GALNT13: variants seen among roughly 807,000 people sequenced by gnomAD.
GALNT13 encodes the protein polypeptide N-acetylgalactosaminyltransferase 13.
Under a neutral mutation model 64.2 loss-of-function variants are expected in GALNT13, and 28 were observed. The ratio of observed to expected loss-of-function variants is 0.44; its 90% confidence interval spans 0.32 to 0.60. The LOEUF is 0.60. Among genes scored for constraint, GALNT13 ranks in the 20% least tolerant of loss-of-function variants. The probability of loss-of-function intolerance (pLI) is 0.05; values close to 1 mark genes in which losing one functional copy is unlikely to be tolerated. For missense variants in GALNT13, 577 were observed against 669.8 expected (o/e 0.86, Z 1.53); for synonymous variants, 214 against 224.6 (o/e 0.95, Z 0.42).
the GALNT13 span, among the ~76,000 whole-genome samples, chr2:153,273,585 T>G: frequency 6.6e-6 from 1 of 152,200 alleles, no homozygotes; most frequent in Non-Finnish European, 1.5e-5. Flanking sequence ...TATAATTAAT[T>G]GTGATAATTA....
intron 9 of GALNT13, among the ~76,000 whole-genome samples, chr2:154,333,181 A>C (rs1186280313): frequency 6.6e-6 from 1 of 152,002 alleles, no homozygotes; most frequent in African/African-American, 2.4e-5. Flanking sequence ...GACTCAGTAG[A>C]GCCTAAGGAC....
chr2:153,627,442 A>G, the GALNT13 span, among the ~76,000 whole-genome samples: 1 of 152,058 alleles, frequency 6.6e-6, no homozygotes, highest in Non-Finnish European at 1.5e-5. Context: ...TGAGAGGACA[A>G]CTGGACAAAC....
chr2:153,279,953 C>T, the GALNT13 span, among the ~76,000 whole-genome samples: 2 of 152,090 alleles, frequency 1.3e-5, no homozygotes, highest in East Asian at 1.9e-4. Flanking sequence ...ATTTGCTCTT[C>T]TTTATACATC....
chr2:154,292,206 G>C (rs966468663), intron 8 of GALNT13, among the ~76,000 whole-genome samples: 7 of 152,146 alleles, frequency 4.6e-5, no homozygotes, highest in African/African-American at 1.7e-4. Flanking sequence ...ACTGACTCAT[G>C]TTTAGGTGTA....
intron 4 of GALNT13, among the ~76,000 whole-genome samples, chr2:154,152,444 G>A (rs557975822): frequency 1.6e-4 from 25 of 152,140 alleles, no homozygotes; most frequent in East Asian, 1.5e-3. Flanking sequence ...TCTTTGTGGC[G>A]TTCTCTGTAT....
At chr2:153,688,947 G>A in the GALNT13 span, among the ~76,000 whole-genome samples, 2 of 150,652 alleles carry the variant, frequency 1.3e-5, no homozygotes, top group East Asian at 2.0e-4. Context: ...TTCCTGTTGC[G>A]TATATACCGA....
At chr2:153,987,629 C>T (rs924536277) in intron 3 of GALNT13, among the ~76,000 whole-genome samples, 3 of 151,734 alleles carry the variant, frequency 2.0e-5, no homozygotes, top group South Asian at 2.1e-4. Context: ...TAGTCTAAGG[C>T]GTCTTTGGAG....
At chr2:153,570,200 T>A in the GALNT13 span, among the ~76,000 whole-genome samples, 1 of 152,206 alleles carries the variant, frequency 6.6e-6, no homozygotes, top group African/African-American at 2.4e-5. Context: ...TGATCAGTGA[T>A]GTTGAGCACC....
chr2:154,119,145 T>C (rs1681780880), intron 3 of GALNT13, among the ~76,000 whole-genome samples: 1 of 152,176 alleles, frequency 6.6e-6, no homozygotes, highest in Admixed American at 6.5e-5. Context: ...TTAGCTTTTG[T>C]TTGTCTACAA....
At chr2:154,211,353 G>A (rs765140717) in intron 4 of GALNT13, among the ~76,000 whole-genome samples, 5 of 151,876 alleles carry the variant, frequency 3.3e-5, no homozygotes, top group Non-Finnish European at 7.4e-5. Flanking sequence ...TAGGCCTGGC[G>A]CAGTGGCTCA....
chr2:154,176,694 A>G (rs1169762814), intron 4 of GALNT13, among the ~76,000 whole-genome samples: 1 of 152,158 alleles, frequency 6.6e-6, no homozygotes, highest in Non-Finnish European at 1.5e-5. Context: ...GAAGAGGAAA[A>G]CCATGATTAA....
At chr2:153,727,608 A>G in the GALNT13 span, among the ~76,000 whole-genome samples, 1 of 152,206 alleles carries the variant, frequency 6.6e-6, no homozygotes, top group African/African-American at 2.4e-5. Context: ...TAGTTGGTCT[A>G]TAGCCTAACA....
At chr2:154,239,197 G>A (rs1180778021) in intron 4 of GALNT13, among the ~76,000 whole-genome samples, 1 of 151,996 alleles carries the variant, frequency 6.6e-6, no homozygotes, top group Admixed American at 6.6e-5. Flanking sequence ...GTAAAGCTTG[G>A]TAGAAATACT....
chr2:154,093,439 G>A (rs1304861692), intron 3 of GALNT13, among the ~76,000 whole-genome samples: 1 of 151,884 alleles, frequency 6.6e-6, no homozygotes, highest in Non-Finnish European at 1.5e-5. Context: ...TAATGTACCT[G>A]CACTACACTC....
chr2:153,531,786 A>G, the GALNT13 span, among the ~76,000 whole-genome samples: 3 of 152,200 alleles, frequency 2.0e-5, no homozygotes, highest in Non-Finnish European at 4.4e-5. Context: ...AAAGGAAAAA[A>G]TTGACCAAAA....
the GALNT13 span, among the ~76,000 whole-genome samples, chr2:153,764,839 C>A: frequency 2.0e-4 from 31 of 152,296 alleles, no homozygotes; most frequent in Non-Finnish European, 3.7e-4. Flanking sequence ...CCCTGAATCC[C>A]AACTGCTTCA....
the GALNT13 span, among the ~76,000 whole-genome samples, chr2:153,598,025 A>T: frequency 2.0e-5 from 3 of 152,238 alleles, no homozygotes; most frequent in South Asian, 6.2e-4. Flanking sequence ...ACAGCTCCAC[A>T]GTTCTTAAAA....
chr2:154,015,282 T>C (rs561152769), intron 3 of GALNT13, among the ~76,000 whole-genome samples: 57 of 152,330 alleles, frequency 3.7e-4, no homozygotes, highest in Non-Finnish European at 6.3e-4. Flanking sequence ...TTAAGTTGTA[T>C]TTGAAAAAAT....
the GALNT13 span, among the ~76,000 whole-genome samples, chr2:153,559,129 A>C: frequency 6.6e-6 from 1 of 152,340 alleles, no homozygotes; most frequent in African/African-American, 2.4e-5. Flanking sequence ...CCGCTAATAA[A>C]AACATTTATT....
Sources: gnomAD v4.1 joint callset for allele counts (sites outside exome capture counted in the v4.1 genomes callset) on GRCh38, gnomAD v4.1.1 for gene constraint, MANE v1.5 for transcripts, NCBI Gene and HGNC (gene_info 2026-07-23, HGNC 2026-07-21) for gene names.